CCBE1: variants seen among roughly 807,000 people sequenced by gnomAD.
CCBE1 encodes collagen and calcium-binding EGF domain-containing protein 1.
Under a neutral mutation model 50.0 loss-of-function variants are expected in CCBE1, and 37 were observed. The ratio of observed to expected loss-of-function variants is 0.74; its 90% CI spans 0.57 to 0.97. The LOEUF (loss-of-function observed/expected upper bound fraction) is 0.97. Among genes scored for constraint, CCBE1 ranks in the 50% least tolerant of loss-of-function variants. CCBE1 has a pLI of 0.00. For synonymous variants in CCBE1, 234 were observed against 203.7 expected, an observed-to-expected ratio of 1.15 and a Z score of -1.27; for missense variants, 538 against 523.8, an observed-to-expected ratio of 1.03 and a Z score of -0.26.
intron 2 of CCBE1, among the ~76,000 whole-genome samples, chr18:59,603,921 T>A (rs1261287606): frequency 6.6e-6 from 1 of 152,198 alleles, no homozygotes; most frequent in African/African-American, 2.4e-5. Context: ...GATGACTCTG[T>A]TTCCATATCC....
chr18:59,474,559 G>A (rs933444570), intron 3 of CCBE1, among the ~76,000 whole-genome samples: 4 of 152,164 alleles, frequency 2.6e-5, no homozygotes, highest in African/African-American at 7.2e-5. Context: ...CAATGTGTGA[G>A]CATTTACCGA....
chr18:59,479,031 TG>T (rs1293936238), intron 3 of CCBE1, among the ~76,000 whole-genome samples: 41 of 152,282 alleles, frequency 2.7e-4, no homozygotes. Flanking sequence ...CAGCGATAAA[TG>T]GGAGGGATTC....
chr18:59,494,266 G>C (rs1913245068), intron 2 of CCBE1, among the ~76,000 whole-genome samples: 1 of 152,176 alleles, frequency 6.6e-6, no homozygotes, highest in African/African-American at 2.4e-5. Flanking sequence ...TTCACTACCA[G>C]CCCTGCCCCT....
intron 2 of CCBE1, among the ~76,000 whole-genome samples, chr18:59,601,124 C>CA (rs1400759139): frequency 6.8e-6 from 1 of 146,340 alleles, no homozygotes; most frequent in African/African-American, 2.5e-5. Flanking sequence ...CTCTGCCTCC[C>CA]AGGCTCAAGT....
chr18:59,644,364 G>T (rs1448511117), intron 2 of CCBE1, among the ~76,000 whole-genome samples: 1 of 152,162 alleles, frequency 6.6e-6, no homozygotes, highest in Admixed American at 6.5e-5. Context: ...GAGATACACT[G>T]GCCTGGCTCA....
chr18:59,439,856 G>A (rs758203903), intron 7 of CCBE1, 40 bp from the exon 8 acceptor site: 58 of 1,610,530 alleles, frequency 3.6e-5, no homozygotes, highest in Non-Finnish European at 4.6e-5. Flanking sequence ...CAGCACATGA[G>A]AAGGACAAAG....
chr18:59,670,775 C>T (rs538866193), intron 2 of CCBE1, among the ~76,000 whole-genome samples: 2 of 152,176 alleles, frequency 1.3e-5, no homozygotes, highest in African/African-American at 2.4e-5. Context: ...TGGTGAAATG[C>T]TGTCTCTGCC....
rs1413332248 is a variant in CCBE1, at chr18:59,551,030, G to GAA, written c.213-70794_213-70793dup. ...AAAAAAAAAAAAAAAAAAAAAAAAA[G>GAA]AAAAGAAAAGAAAAGAAAAAAAAGA... On this transcript the variant is annotated intron_variant, in intron 2 of 10. Coordinates refer to ENST00000439986, the MANE Select transcript of CCBE1 (RefSeq NM_133459.4). Among the ~76,000 whole-genome samples the GAA allele has an allele frequency of 9.5e-5, 8 of 83,788 alleles. 1 individual carries two copies. Among genetic ancestry groups the GAA allele is most frequent in the African/African-American group, 3.4e-4 (8 of 23,204 alleles). 55.0% of individuals were successfully genotyped at this position (83,788 alleles called of 152,430 possible). A position where few individuals can be genotyped will look rare whatever the true frequency, so the allele number is the denominator to read the frequency against.
At chr18:59,569,490 T>G (rs909016802) in intron 2 of CCBE1, among the ~76,000 whole-genome samples, 4 of 152,126 alleles carry the variant, frequency 2.6e-5, no homozygotes, top group Non-Finnish European at 4.4e-5. Context: ...AATTTACAGA[T>G]AAGAAAACAG....
intron 7 of CCBE1, among the ~76,000 whole-genome samples, chr18:59,441,384 C>T (rs1910414244): frequency 6.6e-6 from 1 of 151,592 alleles, no homozygotes; most frequent in Non-Finnish European, 1.5e-5. Context: ...GTGGTGGGTA[C>T]CTGTAATCCC....
intron 3 of CCBE1, among the ~76,000 whole-genome samples, chr18:59,473,699 TAC>T (rs1912151099): frequency 8.5e-6 from 1 of 117,490 alleles, no homozygotes; most frequent in East Asian, 2.5e-4. Flanking sequence ...ACCCTCCCAC[TAC>T]TCCCCCCCTA....
At chr18:59,496,499 G>A (rs1913362370) in intron 2 of CCBE1, among the ~76,000 whole-genome samples, 1 of 152,098 alleles carries the variant, frequency 6.6e-6, no homozygotes, top group South Asian at 2.1e-4. Context: ...AAGGAATTAG[G>A]GATTGACAGG....
chr18:59,512,933 C>G (rs1298789710), intron 2 of CCBE1, among the ~76,000 whole-genome samples: 1 of 152,156 alleles, frequency 6.6e-6, no homozygotes, highest in Non-Finnish European at 1.5e-5. Context: ...CAGAGCACCT[C>G]TACGACAGGA....
intron 9 of CCBE1, 102 bp downstream of exon 9, chr18:59,439,441 T>C: frequency 7.1e-7 from 1 of 1,412,992 alleles, no homozygotes; most frequent in Non-Finnish European, 1.0e-6. Flanking sequence ...CACTCCAGCC[T>C]GGGTGACAGA....
chr18:59,623,623 C>T (rs1228127295), intron 2 of CCBE1, among the ~76,000 whole-genome samples: 1 of 152,144 alleles, frequency 6.6e-6, no homozygotes. Context: ...CAAACTCTCA[C>T]AAGTCTTATC....
intron 2 of CCBE1, among the ~76,000 whole-genome samples, chr18:59,630,570 G>T (rs2053837715): frequency 6.6e-6 from 1 of 152,162 alleles, no homozygotes; most frequent in South Asian, 2.1e-4. Flanking sequence ...CTGGCTAGAG[G>T]ATGCAAGCAG....
chr18:59,506,234 C>T (rs1913866918), intron 2 of CCBE1, among the ~76,000 whole-genome samples: 1 of 152,142 alleles, frequency 6.6e-6, no homozygotes, highest in African/African-American at 2.4e-5. Flanking sequence ...GACACATCTG[C>T]AAGCAAAGAA....
chr18:59,651,766 TG>T (rs1344075791), intron 2 of CCBE1, among the ~76,000 whole-genome samples: 1 of 152,196 alleles, frequency 6.6e-6, no homozygotes, highest in Non-Finnish European at 1.5e-5. Context: ...GGCCCCACCT[TG>T]TAGTTCATGT....
At chr18:59,548,158 T>A (rs1317069767) in intron 2 of CCBE1, among the ~76,000 whole-genome samples, 1 of 152,186 alleles carries the variant, frequency 6.6e-6, no homozygotes, top group African/African-American at 2.4e-5. Flanking sequence ...GTAAGACAAC[T>A]GAGGTCCGAG....
Sources: allele counts gnomAD v4.1 joint callset (sites outside exome capture counted in the v4.1 genomes callset), GRCh38; gene constraint gnomAD v4.1.1; transcripts MANE v1.5; gene names NCBI Gene and HGNC (gene_info 2026-07-23, HGNC 2026-07-21).